The following NRG1 variants were observed in gnomAD, a reference collection of about 807,000 sequenced individuals.
NRG1 encodes the protein neuregulin 1, also known as pro-neuregulin-1, membrane-bound isoform.
In NRG1, 18 loss-of-function variants were observed where a neutral mutation model predicts 63.8. That is an observed-to-expected ratio of 0.28 (90% CI 0.19 to 0.42). NRG1 has a LOEUF of 0.42. NRG1 is among the 10% of genes least tolerant of loss of function. The pLI, the probability that NRG1 is intolerant of heterozygous loss-of-function variation, is 1.00. For missense variants in NRG1, 762 were observed against 814.7 expected (o/e 0.94, Z 0.79); for synonymous variants, 302 against 301.3 (o/e 1.00, Z -0.02).
At chr8:32,483,220 C>T (rs1219669953) in intron 1 of NRG1, among the ~76,000 whole-genome samples, 1 of 152,234 alleles carries the variant, frequency 6.6e-6, no homozygotes, top group East Asian at 1.9e-4. Flanking sequence ...CACTTCTCTG[C>T]CACTTCTCTG....
intron 1 of NRG1, among the ~76,000 whole-genome samples, chr8:31,845,130 TA>T (rs1173509026): frequency 6.6e-6 from 1 of 151,556 alleles, no homozygotes; most frequent in African/African-American, 2.4e-5. Context: ...AATAAATAAA[TA>T]AATAAATAAA....
intron 1 of NRG1, among the ~76,000 whole-genome samples, chr8:31,982,233 C>A (rs1563645452): frequency 6.6e-6 from 1 of 152,008 alleles, no homozygotes; most frequent in Non-Finnish European, 1.5e-5. Context: ...TTGAAAAGAT[C>A]ATTCTTGCTA....
At chr8:32,730,500 G>A (rs955487618) in intron 6 of NRG1, among the ~76,000 whole-genome samples, 2 of 152,032 alleles carry the variant, frequency 1.3e-5, no homozygotes, top group Admixed American at 6.6e-5. Context: ...ATGTAGAAAA[G>A]ATCATTCCTT....
chr8:31,836,626 T>C (rs1344534213), intron 1 of NRG1, among the ~76,000 whole-genome samples: 1 of 151,764 alleles, frequency 6.6e-6, no homozygotes, highest in African/African-American at 2.4e-5. Flanking sequence ...ACAAAAAGGG[T>C]ACTTTAAAAC....
intron 1 of NRG1, among the ~76,000 whole-genome samples, chr8:31,921,651 C>T (rs1680165): frequency 0.031 from 4,671 of 152,178 alleles, 226 homozygotes; most frequent in African/African-American, 0.1. Flanking sequence ...GAAAAAGAAC[C>T]TCTCTGAAAT....
chr8:32,054,823 A>T (rs560613411), intron 1 of NRG1, among the ~76,000 whole-genome samples: 1 of 142,278 alleles, frequency 7.0e-6, no homozygotes, highest in Non-Finnish European at 1.5e-5. Flanking sequence ...TTACTGCCTC[A>T]AAAGCAAGCA....
At chr8:31,911,379 A>G (rs1832931455) in intron 1 of NRG1, among the ~76,000 whole-genome samples, 1 of 152,242 alleles carries the variant, frequency 6.6e-6, no homozygotes, top group African/African-American at 2.4e-5. Context: ...TGTGGTACAT[A>G]TACACTACTG....
chr8:31,960,861 A>G (rs563122169), intron 1 of NRG1, among the ~76,000 whole-genome samples: 2 of 152,330 alleles, frequency 1.3e-5, no homozygotes, highest in Admixed American at 6.5e-5. Flanking sequence ...AGATTTAATA[A>G]CCATAACAAA....
chr8:31,928,770 G>C (rs952031090), intron 1 of NRG1, among the ~76,000 whole-genome samples: 6 of 152,010 alleles, frequency 3.9e-5, no homozygotes, highest in Non-Finnish European at 8.8e-5. Context: ...AGTATTTCAG[G>C]AATCAAAAAT....
chr8:32,342,283 T>C (rs370140282), intron 1 of NRG1, among the ~76,000 whole-genome samples: 1 of 152,234 alleles, frequency 6.6e-6, no homozygotes, highest in Non-Finnish European at 1.5e-5. Flanking sequence ...ACAATTTTAA[T>C]AGACATGATA....
chr8:31,853,280 A>G (rs535429821), intron 1 of NRG1, among the ~76,000 whole-genome samples: 8 of 151,396 alleles, frequency 5.3e-5, no homozygotes, highest in East Asian at 3.9e-4. Context: ...ATCCTCTTTT[A>G]TTTCCTTGAG....
chr8:31,718,920 G>A (rs1407034345), intron 1 of NRG1, among the ~76,000 whole-genome samples: 1 of 152,166 alleles, frequency 6.6e-6, no homozygotes, highest in East Asian at 1.9e-4. Context: ...GGTAAAAGGT[G>A]CTACATGTGT....
intron 1 of NRG1, among the ~76,000 whole-genome samples, chr8:32,048,890 A>G (rs1197972070): frequency 6.6e-6 from 1 of 151,960 alleles, no homozygotes; most frequent in Non-Finnish European, 1.5e-5. Context: ...TATATTTTAC[A>G]AATATGTTTT....
At chr8:32,171,131 A>G (rs1167793935) in intron 1 of NRG1, among the ~76,000 whole-genome samples, 1 of 152,208 alleles carries the variant, frequency 6.6e-6, no homozygotes, top group Non-Finnish European at 1.5e-5. Context: ...TGTAAAGGTT[A>G]TTCAAATTCT....
intron 1 of NRG1, among the ~76,000 whole-genome samples, chr8:32,569,248 C>T (rs1838054668): frequency 6.6e-6 from 1 of 152,132 alleles, no homozygotes; most frequent in African/African-American, 2.4e-5. Context: ...GGGGTTTTGC[C>T]ATGTTGGCCA....
At chr8:32,055,645 T>TA (rs1351700101) in intron 1 of NRG1, among the ~76,000 whole-genome samples, 1 of 149,710 alleles carries the variant, frequency 6.7e-6, no homozygotes, top group East Asian at 2.0e-4. Flanking sequence ...ACAAAGCCTA[T>TA]AGGAAGGTAT....
At chr8:32,039,128 T>C (rs542845002) in intron 1 of NRG1, among the ~76,000 whole-genome samples, 36 of 152,348 alleles carry the variant, frequency 2.4e-4, no homozygotes, top group African/African-American at 8.4e-4. Flanking sequence ...ATTTAATTTC[T>C]TTTTATCATG....
upstream of NRG1, among the ~76,000 whole-genome samples, chr8:32,546,985 A>G (rs1281579229): frequency 1.3e-5 from 2 of 152,220 alleles, no homozygotes; most frequent in Admixed American, 1.3e-4. Flanking sequence ...TGACCCCAGA[A>G]AATGGAAAAC....
intron 5 of NRG1, among the ~76,000 whole-genome samples, chr8:32,639,471 G>A (rs73590633): frequency 6.6e-6 from 1 of 152,090 alleles, no homozygotes; most frequent in Non-Finnish European, 1.5e-5. Context: ...GAATACTTCA[G>A]GTAATCCCTT....
Sources: gnomAD v4.1 joint callset for allele counts (sites outside exome capture counted in the v4.1 genomes callset) on GRCh38, gnomAD v4.1.1 for gene constraint, MANE v1.5 for transcripts, NCBI Gene and HGNC (gene_info 2026-07-23, HGNC 2026-07-21) for gene names.